The following NOL4L variants were observed in gnomAD, a reference collection of about 807,000 sequenced individuals.
The protein encoded by NOL4L is nucleolar protein 4 like, also known as nucleolar protein 4-like.
In NOL4L, 7 loss-of-function variants were observed where a neutral mutation model predicts 64.5. The ratio of observed to expected loss-of-function variants is 0.11; its 90% CI spans 0.06 to 0.20. The LOEUF is 0.20. Ranked by LOEUF, NOL4L falls within the 10% of genes least tolerant of loss-of-function variation. NOL4L has a pLI of 1.00. For missense variants in NOL4L, 680 were observed against 967.1 expected (o/e 0.70, Z 3.94); for synonymous variants, 413 against 401.0 (o/e 1.03, Z -0.36).
chr20:32,545,722 A>G lies in NOL4L; in HGVS notation c.322-17809T>C, dbSNP rs148991384. ...GCAAGTTCTGTTGGCTCCACCTTTA[A>G]ACTATATCCAGAATGCAGCTGCATT... On this transcript the variant is annotated intron_variant, in intron 1 of 10. Coordinates refer to ENST00000621426, the MANE Select transcript of NOL4L (RefSeq NM_001256798.2). 2.2e-3 allele frequency among the ~76,000 whole-genome samples: 328 copies of G among 152,198 alleles called. 3 individuals are homozygous for G. Among genetic ancestry groups the G allele is most frequent in the Middle Eastern group, 0.02 (6 of 294 alleles).
intron 4 of NOL4L, among the ~76,000 whole-genome samples, chr20:32,509,446 A>G (rs1336182329): frequency 7.2e-6 from 1 of 138,574 alleles, no homozygotes; most frequent in Non-Finnish European, 1.5e-5. Context: ...TGAACCCAGG[A>G]GGCAGAAGCT....
At chr20:32,574,572 C>T (rs1457708907) in intron 1 of NOL4L, among the ~76,000 whole-genome samples, 8 of 152,168 alleles carry the variant, frequency 5.3e-5, no homozygotes, top group Admixed American at 5.2e-4. Flanking sequence ...TCTCGACTCG[C>T]CAGCATCCAG....
chr20:32,576,097 G>A (rs1980085658), intron 1 of NOL4L, among the ~76,000 whole-genome samples: 1 of 152,212 alleles, frequency 6.6e-6, no homozygotes, highest in South Asian at 2.1e-4. Flanking sequence ...GGGCTCTGCA[G>A]GCTACTGGGA....
At chr20:32,484,736 C>A (rs2015978848) in intron 4 of NOL4L, among the ~76,000 whole-genome samples, 1 of 152,108 alleles carries the variant, frequency 6.6e-6, no homozygotes, top group African/African-American at 2.4e-5. Context: ...GGAGACGGCA[C>A]CGCCGGGGAG....
chr20:32,479,146 C>T (rs2015576312), intron 4 of NOL4L, among the ~76,000 whole-genome samples: 1 of 152,220 alleles, frequency 6.6e-6, no homozygotes, highest in Non-Finnish European at 1.5e-5. Context: ...TAAGCCAAGG[C>T]TGGAGAAGCA....
chr20:32,569,883 A>C (rs947428304), intron 1 of NOL4L, among the ~76,000 whole-genome samples: 14 of 152,232 alleles, frequency 9.2e-5, no homozygotes, highest in African/African-American at 3.1e-4. Flanking sequence ...AGCAGGCACC[A>C]ATCAAAATGT....
intron 1 of NOL4L, among the ~76,000 whole-genome samples, chr20:32,559,597 G>A (rs561958546): frequency 8.3e-4 from 126 of 152,294 alleles, no homozygotes; most frequent in African/African-American, 3.0e-3. Flanking sequence ...CTACACAGGG[G>A]AGGGAATTTG....
At chr20:32,515,249 CT>C (rs2017598900) in intron 3 of NOL4L, among the ~76,000 whole-genome samples, 1 of 152,166 alleles carries the variant, frequency 6.6e-6, no homozygotes, top group African/African-American at 2.4e-5. Flanking sequence ...GCAGGATGTC[CT>C]GGTCTTGGGG....
chr20:32,516,493 G>A (rs538006379), intron 3 of NOL4L, among the ~76,000 whole-genome samples: 11 of 152,208 alleles, frequency 7.2e-5, no homozygotes, highest in South Asian at 2.1e-4. Flanking sequence ...AGAGGGCCCC[G>A]GAGTCGCTCA....
At chr20:32,542,468 C>T (rs548010867) in intron 1 of NOL4L, among the ~76,000 whole-genome samples, 11 of 152,324 alleles carry the variant, frequency 7.2e-5, no homozygotes, top group Admixed American at 4.6e-4. Context: ...ATCCTCCCAC[C>T]TCAGCCTCCC....
intron 1 of NOL4L, among the ~76,000 whole-genome samples, chr20:32,545,829 T>G (rs2018724465): frequency 6.6e-6 from 1 of 152,088 alleles, no homozygotes; most frequent in African/African-American, 2.4e-5. Context: ...CCATTGTCTG[T>G]AAGAAGGGCG....
Position 32,453,659 on chromosome 20 carries a change from C to G in NOL4L, c.1222G>C (p.Asp408His). 1 of 1,595,358 alleles carries G rather than the reference C, an allele frequency of 6.3e-7. No individual in the cohort carries two copies. Among genetic ancestry groups the G allele is most frequent in the South Asian group, 1.1e-5 (1 of 88,676 alleles). Residue 408 changes from aspartate (D) to histidine (H), a missense_variant, in exon 7 of 11, where the codon GAC becomes CAC. By Grantham distance (81) the Asp-to-His change is moderately conservative. This residue lies in a region of NOL4L where 70 missense variants were observed against 166.1 expected (regional missense o/e 0.42). Coordinates refer to ENST00000621426, the MANE Select transcript of NOL4L (RefSeq NM_001256798.2). The surrounding 1 kb of genome is among the most constrained non-coding windows in gnomAD (Gnocchi z 5.6). ...TCCTCATGGTCATCGTGGTCATCGT[C>G]GTCATCATCTGCCGTCGGGGCCCGG... ...VGRAPTADDD[D>H]DDHDDHEDND...
chr20:32,572,363 T>C (rs1979800589), intron 1 of NOL4L: 1 of 152,262 alleles, frequency 6.6e-6, no homozygotes, highest in South Asian at 2.1e-4. Flanking sequence ...GTGTCATGAC[T>C]GCCATTGTTC....
At chr20:32,507,859 A>G (rs1206104443) in intron 4 of NOL4L, among the ~76,000 whole-genome samples, 1 of 152,136 alleles carries the variant, frequency 6.6e-6, no homozygotes, top group African/African-American at 2.4e-5. Flanking sequence ...ATACAAAAAA[A>G]AAGTAGCCAG....
Position 32,465,353 on chromosome 20 carries a change from A to G in NOL4L, c.842-8958T>C, listed in dbSNP as rs190649475. On this transcript the variant is annotated intron_variant, in intron 5 of 10. Coordinates refer to ENST00000621426, the MANE Select transcript of NOL4L (RefSeq NM_001256798.2). ...CCCAGGCCGCCCAGTGCTCTCAGAC[A>G]TTCTGGGAGCCTCCAAGGCCAGCCT... Among the ~76,000 whole-genome samples, 1,408 of 152,254 alleles carry G rather than the reference A, an allele frequency of 9.2e-3. 8 individuals are homozygous for G. The highest frequency in any genetic ancestry group is 0.018 in the South Asian group (87 of 4,820).
At chr20:32,483,422 C>A (rs1400944520) in intron 4 of NOL4L, 11 of 986,848 alleles carry the variant, frequency 1.1e-5, no homozygotes, top group Non-Finnish European at 1.2e-5. Context: ...GGGCGGGCGG[C>A]GGTGACAGCC....
At chr20:32,579,161 A>G (rs949406934) in intron 1 of NOL4L, among the ~76,000 whole-genome samples, 2 of 152,070 alleles carry the variant, frequency 1.3e-5, no homozygotes, top group African/African-American at 4.8e-5. Flanking sequence ...ACGCAGTCAC[A>G]CCCGCAGCTG....
At chr20:32,462,823 T>C (rs1186185724) in intron 5 of NOL4L, among the ~76,000 whole-genome samples, 1 of 144,444 alleles carries the variant, frequency 6.9e-6, no homozygotes, top group Non-Finnish European at 1.5e-5. Flanking sequence ...GAGAATCGCT[T>C]GAACCCGGGA....
chr20:32,531,630 T>G (rs1272823034), intron 1 of NOL4L, among the ~76,000 whole-genome samples: 1 of 152,108 alleles, frequency 6.6e-6, no homozygotes, highest in African/African-American at 2.4e-5. Context: ...TGGGATTACA[T>G]GTGTGAGCCA....
Sources: gnomAD v4.1 joint callset for allele counts (sites outside exome capture counted in the v4.1 genomes callset) on GRCh38, gnomAD v4.1.1 for gene constraint, gnomAD v4.1.1 regional missense constraint, Gnocchi (gnomAD v3.1) non-coding constraint, MANE v1.5 for transcripts, NCBI Gene and HGNC (gene_info 2026-07-23, HGNC 2026-07-21) for gene names.